Variants in EPHA3 observed in about 807,000 individuals in gnomAD.
EPHA3 encodes ephrin type-A receptor 3.
Under a neutral mutation model 107.1 loss-of-function variants are expected in EPHA3, and 42 were observed. The observed-to-expected ratio is 0.39, with a 90% CI of 0.31 to 0.51. EPHA3 has a LOEUF of 0.51. Among genes scored for constraint, EPHA3 ranks in the 20% least tolerant of loss-of-function variants. The pLI, the probability that EPHA3 is intolerant of heterozygous loss-of-function variation, is 0.78. For missense variants in EPHA3, 1,183 were observed against 1,211.2 expected (o/e 0.98, Z 0.35); for synonymous variants, 461 against 424.8 (o/e 1.09, Z -1.05).
In EPHA3 at chr3:89,209,929, G is replaced by C; in HGVS notation, c.223G>C (p.Asp75His). 1 of 1,613,778 alleles carries C rather than the reference G, an allele frequency of 6.2e-7. No individual in the cohort carries two copies. Among genetic ancestry groups the C allele is most frequent in the Non-Finnish European group, 8.5e-7 (1 of 1,179,850 alleles). ...GACTTACCAGGTGTGCAATGTCATG[G>C]ACCACAGTCAAAACAATTGGCTGAG... ...IRTYQVCNVM[D>H]HSQNNWLRTN... The change falls in exon 3 of 17, where the codon GAC becomes CAC. Residue 75 changes from aspartate (D) to histidine (H), a missense_variant. Coordinates refer to ENST00000336596, the MANE Select transcript of EPHA3 (RefSeq NM_005233.6).
At chr3:89,415,971 A>T (rs1229972843) in intron 10 of EPHA3, among the ~76,000 whole-genome samples, 2 of 150,324 alleles carry the variant, frequency 1.3e-5, no homozygotes, top group Non-Finnish European at 3.0e-5. Context: ...TCTTCATAGT[A>T]TTTTTTTTTG....
intron 2 of EPHA3, among the ~76,000 whole-genome samples, chr3:89,185,925 A>G (rs1705554005): frequency 6.6e-6 from 1 of 152,118 alleles, no homozygotes; most frequent in African/African-American, 2.4e-5. Flanking sequence ...CTATTACTCA[A>G]ATTTAATGCA....
At chr3:89,320,140 G>A (rs932352835) in intron 3 of EPHA3, among the ~76,000 whole-genome samples, 26 of 151,876 alleles carry the variant, frequency 1.7e-4, no homozygotes, top group African/African-American at 6.0e-4. Context: ...AGTCTTACTA[G>A]TAATATATAG....
chr3:89,251,699 A>G (rs1169713709), intron 3 of EPHA3, among the ~76,000 whole-genome samples: 1 of 152,114 alleles, frequency 6.6e-6, no homozygotes, highest in African/African-American at 2.4e-5. Flanking sequence ...TTCAAATATC[A>G]TTTTTATTTC....
intron 2 of EPHA3, among the ~76,000 whole-genome samples, chr3:89,172,265 T>C (rs1275622103): frequency 1.3e-5 from 2 of 152,176 alleles, no homozygotes; most frequent in Non-Finnish European, 2.9e-5. Context: ...TTCATTCACA[T>C]GTCAGGAGCT....
intron 2 of EPHA3, among the ~76,000 whole-genome samples, chr3:89,136,398 A>G (rs1354915118): frequency 7.8e-6 from 1 of 127,842 alleles, no homozygotes. Context: ...AAAAAAAGGG[A>G]AAACGTGGAC....
intron 12 of EPHA3, among the ~76,000 whole-genome samples, chr3:89,430,539 A>G (rs1400340273): frequency 6.6e-6 from 1 of 152,102 alleles, no homozygotes; most frequent in Non-Finnish European, 1.5e-5. Flanking sequence ...TACATTTTAA[A>G]CCTTATGTTT....
At chr3:89,110,520 A>T (rs1222847520) in intron 1 of EPHA3, among the ~76,000 whole-genome samples, 1 of 151,990 alleles carries the variant, frequency 6.6e-6, no homozygotes, top group African/African-American at 2.4e-5. Flanking sequence ...AGGTGATAAT[A>T]GGGACTCATC....
chr3:89,343,807 T>C (rs544049706), intron 5 of EPHA3, among the ~76,000 whole-genome samples: 59 of 152,336 alleles, frequency 3.9e-4, no homozygotes, highest in Non-Finnish European at 7.5e-4. Context: ...ACTGTATCTA[T>C]AATTTCTCCC....
At chr3:89,247,088 C>A (rs1331574049) in intron 3 of EPHA3, among the ~76,000 whole-genome samples, 1 of 152,060 alleles carries the variant, frequency 6.6e-6, no homozygotes, top group Non-Finnish European at 1.5e-5. Flanking sequence ...TTTCTAGATA[C>A]CGGGAATAAT....
intron 16 of EPHA3, among the ~76,000 whole-genome samples, chr3:89,478,303 A>G (rs1422209662): frequency 6.6e-6 from 1 of 152,252 alleles, no homozygotes; most frequent in African/African-American, 2.4e-5. Flanking sequence ...CCAGTTATCT[A>G]TGGCTGCACA....
chr3:89,332,092 A>G (rs576890732), intron 3 of EPHA3, among the ~76,000 whole-genome samples: 17 of 152,286 alleles, frequency 1.1e-4, no homozygotes, highest in African/African-American at 4.1e-4. Context: ...CCCTTCCCAC[A>G]TAATCGTCTG....
chr3:89,457,154 TG>T (rs998002248), intron 15 of EPHA3, among the ~76,000 whole-genome samples: 2 of 152,150 alleles, frequency 1.3e-5, no homozygotes, highest in African/African-American at 2.4e-5. Context: ...GAAAACAGGC[TG>T]GGGGAACACT....
chr3:89,201,126 C>T (rs1000307785), intron 2 of EPHA3, among the ~76,000 whole-genome samples: 3 of 152,154 alleles, frequency 2.0e-5, no homozygotes, highest in Non-Finnish European at 4.4e-5. Flanking sequence ...AACTTACAAT[C>T]ATGGCAGAAG....
In EPHA3 at chr3:89,107,630, C is replaced by G. The variant is rs1275971149; in HGVS notation, c.-119C>G. 1.0e-6 allele frequency: 1 copy of G among 964,568 alleles called. No individual in the cohort carries two copies. Among genetic ancestry groups the G allele is most frequent in the South Asian group, 1.5e-5 (1 of 68,534 alleles). 59.8% of individuals were successfully genotyped at this position (964,568 alleles called of 1,614,324 possible). A position where few individuals can be genotyped will look rare whatever the true frequency, so the allele number is the denominator to read the frequency against. On this transcript the variant is annotated 5_prime_UTR_variant, in exon 1 of 17. Transcript: ENST00000336596. The stretch of plus-strand genomic sequence containing the variant: ...ACTCCTCCTTATCTCCAGTGTCAAA[C>G]TTGACATCAGCCTGCGAGCGGAGCA...
intron 9 of EPHA3, among the ~76,000 whole-genome samples, chr3:89,410,956 T>C (rs1709146272): frequency 6.6e-6 from 1 of 151,950 alleles, no homozygotes; most frequent in Non-Finnish European, 1.5e-5. Context: ...TTCATGCTTA[T>C]ATGGAAGAAG....
At chr3:89,110,313 G>A (rs898756053) in intron 1 of EPHA3, among the ~76,000 whole-genome samples, 2 of 151,888 alleles carry the variant, frequency 1.3e-5, no homozygotes, top group African/African-American at 2.4e-5. Flanking sequence ...AACAAAACCA[G>A]GCCATTGACT....
chr3:89,175,586 A>G (rs763545139), intron 2 of EPHA3, among the ~76,000 whole-genome samples: 7 of 152,206 alleles, frequency 4.6e-5, no homozygotes, highest in Non-Finnish European at 1.0e-4. Context: ...TAGTAAAATT[A>G]TGTTTCAGCC....
intron 7 of EPHA3, among the ~76,000 whole-genome samples, chr3:89,406,390 G>T (rs1709055022): frequency 6.6e-6 from 1 of 152,020 alleles, no homozygotes; most frequent in Admixed American, 6.6e-5. Flanking sequence ...CATTGGTCTG[G>T]GTCAAGAGTC....
Sources: gnomAD v4.1 joint callset for allele counts (sites outside exome capture counted in the v4.1 genomes callset) on GRCh38, gnomAD v4.1.1 for gene constraint, MANE v1.5 for transcripts, NCBI Gene and HGNC (gene_info 2026-07-23, HGNC 2026-07-21) for gene names.